Variants in LAMC2 observed in about 807,000 individuals in gnomAD.
The protein encoded by LAMC2 is laminin subunit gamma 2, also known as laminin subunit gamma-2.
In LAMC2, 97 loss-of-function variants were observed where a neutral mutation model predicts 140.2. The observed-to-expected ratio is 0.69, with a 90% CI of 0.59 to 0.82. LAMC2 has a LOEUF of 0.82. Among genes scored for constraint, LAMC2 ranks in the 40% least tolerant of loss-of-function variants. The pLI is 0.00. For synonymous variants in LAMC2, 513 were observed against 540.2 expected (o/e 0.95, Z 0.70); for missense variants, 1,402 against 1,476.1 (o/e 0.95, Z 0.82).
the LAMC2 span, among the ~76,000 whole-genome samples, chr1:183,256,243 C>CA: frequency 1.3e-5 from 2 of 151,564 alleles, no homozygotes; most frequent in Non-Finnish European, 2.9e-5. Flanking sequence ...CTGTCTCTAC[C>CA]AAAAATACAC....
rs780527253 is a variant in LAMC2 at position 183,231,122 on chromosome 1, A to G, written c.1857+19A>G. The G allele has an allele frequency of 6.2e-7, 1 of 1,613,984 alleles. No homozygotes were observed. The highest frequency in any genetic ancestry group is 1.3e-5 in the African/African-American group (1 of 75,022). On this transcript the variant is annotated intron_variant, in intron 12 of 22. Coordinates refer to ENST00000264144, the MANE Select transcript of LAMC2 (RefSeq NM_005562.3). Reference sequence around the variant, plus strand: ...GATTCAGGTATGCATTCTTCCCCTTACCACCCCCAACCCCACAGAATCAAA... The same window carrying G: ...GATTCAGGTATGCATTCTTCCCCTTGCCACCCCCAACCCCACAGAATCAAA...
At chr1:183,238,215 A>C in intron 18 of LAMC2, 92 bp from the exon 19 acceptor site, 1 of 922,790 alleles carries the variant, frequency 1.1e-6, no homozygotes, top group African/African-American at 1.6e-5. Context: ...AGTGAATCAC[A>C]ATGATCTGCT....
At chr1:183,257,628 G>T in the LAMC2 span, among the ~76,000 whole-genome samples, 1 of 152,074 alleles carries the variant, frequency 6.6e-6, no homozygotes, top group African/African-American at 2.4e-5. Flanking sequence ...ATTTATCCCT[G>T]CCCTCTAGGT....
At chr1:183,252,449 A>G in the LAMC2 span, 5 of 344,486 alleles carry the variant, frequency 1.5e-5, no homozygotes, top group East Asian at 7.9e-5. Flanking sequence ...AGACTAGAGG[A>G]AAGTCTGTCC....
At chr1:183,229,468 C>T (rs532419405) in intron 11 of LAMC2, among the ~76,000 whole-genome samples, 11 of 152,130 alleles carry the variant, frequency 7.2e-5, no homozygotes, top group African/African-American at 2.4e-4. Flanking sequence ...GAAACCCCAT[C>T]TCTACTAAAA....
chr1:183,193,018 AAACT>A (rs1317323602), intron 1 of LAMC2, among the ~76,000 whole-genome samples: 7 of 152,114 alleles, frequency 4.6e-5, no homozygotes, highest in African/African-American at 7.2e-5. Context: ...ATTTTCATTG[AAACT>A]AATCTTCAAG....
intron 1 of LAMC2, among the ~76,000 whole-genome samples, chr1:183,194,394 C>T (rs1490942864): frequency 6.6e-6 from 1 of 152,088 alleles, no homozygotes. Flanking sequence ...CACACACATA[C>T]CTAAATGCTT....
Position 183,186,420 on chromosome 1 carries a change from C to A in LAMC2, c.68C>A (p.Ser23Tyr). ...SLLLPAARATSRREVCDCNGK... is the reference protein window; with the variant it reads ...SLLLPAARATYRREVCDCNGK... ...CTCCTGCCCGCAGCCCGGGCCACCT[C>A]CAGGAGGGAAGGTGAGTCGGCTTCC... The change falls in exon 1 of 23, where the codon TCC (serine) becomes TAC (tyrosine). Residue 23 changes from serine to tyrosine, a missense_variant. By Grantham distance (144) the Ser-to-Tyr change is moderately radical. Coordinates refer to ENST00000264144, the MANE Select transcript of LAMC2 (RefSeq NM_005562.3). The A allele has an allele frequency of 6.2e-7, 1 of 1,604,750 alleles. No homozygotes were observed.
At chr1:183,211,358 A>G (rs1324071531) in intron 2 of LAMC2, among the ~76,000 whole-genome samples, 2 of 152,228 alleles carry the variant, frequency 1.3e-5, no homozygotes, top group Admixed American at 1.3e-4. Flanking sequence ...ATTTTTTTAC[A>G]TATCTTTGAT....
At chr1:183,242,357 G>C (rs1187666837) in intron 22 of LAMC2, among the ~76,000 whole-genome samples, 1 of 152,138 alleles carries the variant, frequency 6.6e-6, no homozygotes, top group African/African-American at 2.4e-5. Context: ...ATTGTTCTAG[G>C]TATAATAAAC....
At chr1:183,238,245 C>T (rs561193301) in intron 18 of LAMC2, 62 bp from the exon 19 acceptor site, 3 of 1,182,306 alleles carry the variant, frequency 2.5e-6, no homozygotes, top group African/African-American at 3.0e-5. Context: ...AGAAATGTGT[C>T]AGAGTGATTT....
chr1:183,186,469 G>T, intron 1 of LAMC2, 38 bp downstream of exon 1: 4 of 1,595,736 alleles, frequency 2.5e-6, no homozygotes, highest in Non-Finnish European at 3.4e-6. Context: ...TCAGCCCTGG[G>T]CTGAGAATCT....
At chr1:183,231,833 C>T (rs945739884) in intron 12 of LAMC2, among the ~76,000 whole-genome samples, 2 of 152,216 alleles carry the variant, frequency 1.3e-5, no homozygotes, top group Admixed American at 6.5e-5. Flanking sequence ...AGGCACTGTT[C>T]TCTTGTCTCT....
At chr1:183,197,608 G>A (rs528017194) in intron 1 of LAMC2, among the ~76,000 whole-genome samples, 1 of 151,950 alleles carries the variant, frequency 6.6e-6, no homozygotes, top group South Asian at 2.1e-4. Flanking sequence ...CCTGGGAGGC[G>A]GAGCTTGCTG....
In LAMC2 at chr1:183,229,170, T is replaced by C. The variant is rs191085801; in HGVS notation, c.1714+551T>C. On this transcript the variant is annotated intron_variant, in intron 11 of 22. Transcript: ENST00000264144. Reference sequence around the variant, plus strand: ...GGCCTGCTGCAGATCAAAGCATGAATGTGCAGACTGGTCCTCTTGCCCAGC... The same window carrying C: ...GGCCTGCTGCAGATCAAAGCATGAACGTGCAGACTGGTCCTCTTGCCCAGC... Among the ~76,000 whole-genome samples the C allele has an allele frequency of 3.3e-5, 5 of 152,328 alleles. No homozygotes were observed. The East Asian group carries it at 5.8e-4, about 18-fold the overall frequency.
At chr1:183,196,560 ATTCACCAT>A (rs113890884) in intron 1 of LAMC2, among the ~76,000 whole-genome samples, 1,682 of 152,322 alleles carry the variant, frequency 0.011, 16 homozygotes, top group African/African-American at 0.022. Context: ...CTGAAACTTT[ATTCACCAT>A]CTTCAGTATA....
chr1:183,224,673 T>C (rs955386882), intron 7 of LAMC2, among the ~76,000 whole-genome samples: 1 of 147,888 alleles, frequency 6.8e-6, no homozygotes, highest in African/African-American at 2.5e-5. Context: ...GTTCTAATGA[T>C]ACACACACAC....
chr1:183,255,592 T>C, the LAMC2 span, among the ~76,000 whole-genome samples: 1 of 152,198 alleles, frequency 6.6e-6, no homozygotes, highest in South Asian at 2.1e-4. Flanking sequence ...CTTCAATTTC[T>C]TTTGTCCATG....
chr1:183,239,728 G>A, intron 20 of LAMC2, 165 bp downstream of exon 20: 1 of 668,262 alleles, frequency 1.5e-6, no homozygotes, highest in Non-Finnish European at 2.6e-6. Flanking sequence ...ACGCATGACA[G>A]AGAATGATGT....
Sources: gnomAD v4.1 joint callset for allele counts (sites outside exome capture counted in the v4.1 genomes callset) on GRCh38, gnomAD v4.1.1 for gene constraint, MANE v1.5 for transcripts, NCBI Gene and HGNC (gene_info 2026-07-23, HGNC 2026-07-21) for gene names.